CLPTM1L: variants seen among roughly 807,000 people sequenced by gnomAD.
CLPTM1L encodes the protein CLPTM1 like.
In CLPTM1L, 38 loss-of-function variants were observed where a neutral mutation model predicts 70.9. That is an observed-to-expected ratio of 0.54 (90% CI 0.41 to 0.70). The LOEUF is 0.70. Among genes scored for constraint, CLPTM1L ranks in the 30% least tolerant of loss-of-function variants. The probability of loss-of-function intolerance (pLI) is 0.00; values close to 1 mark genes in which losing one functional copy is unlikely to be tolerated. For synonymous variants in CLPTM1L, 339 were observed against 299.9 expected, an observed-to-expected ratio of 1.13 and a Z score of -1.35; for missense variants, 652 against 705.9, an observed-to-expected ratio of 0.92 and a Z score of 0.87.
rs1045979594 is a variant in CLPTM1L, at chr5:1,332,000, G to A, written c.892-117C>T. 2.8e-5 allele frequency: 23 copies of A among 812,804 alleles called. No individual in the cohort carries two copies. In the Admixed American group the frequency reaches 4.5e-4, roughly 16 times the overall value. The allele number at this position is 812,804 out of a possible 1,614,324, so 50.3% of individuals were successfully genotyped here. A position where few individuals can be genotyped will look rare whatever the true frequency, so the allele number is the denominator to read the frequency against. ...CTGCAGGTGTACTCAGCCTCAGGAT[G>A]CATCAGGATAAGTGTCTACACTCGG... On this transcript the variant is annotated intron_variant, in intron 7 of 16. Transcript: ENST00000320895.
chr5:1,324,693 G>C, intron 11 of CLPTM1L, 70 bp downstream of exon 11: 2 of 1,405,770 alleles, frequency 1.4e-6, no homozygotes, highest in South Asian at 1.2e-5. Context: ...AGCAATGACA[G>C]TAAAAGACCC....
chr5:1,342,520 G>A lies in CLPTM1L; in HGVS notation c.264-660C>T, dbSNP rs1165560638. On this transcript the variant is annotated intron_variant, in intron 2 of 16. Coordinates refer to ENST00000320895, the MANE Select transcript of CLPTM1L (RefSeq NM_030782.5). The surrounding 1 kb of genome is among the most constrained non-coding windows in gnomAD (Gnocchi z 4.3). ...CTTCACCCGCACACCAGGGCCCGAC[G>A]TCCATACTACAGCCCCATGGAAAAA... 1.3e-5 allele frequency among the ~76,000 whole-genome samples: 2 copies of A among 152,284 alleles called. No individual in the cohort carries two copies. Among genetic ancestry groups the A allele is most frequent in the East Asian group, 3.9e-4 (2 of 5,188 alleles).
intron 2 of CLPTM1L, among the ~76,000 whole-genome samples, chr5:1,344,109 T>C (rs1754121081): frequency 6.6e-6 from 1 of 152,170 alleles, no homozygotes; most frequent in African/African-American, 2.4e-5. Flanking sequence ...GTCCAGGACA[T>C]CCCACTGCCA....
chr5:1,333,079 T>A (rs1753230045), intron 7 of CLPTM1L, among the ~76,000 whole-genome samples: 1 of 104,990 alleles, frequency 9.5e-6, no homozygotes, highest in Non-Finnish European at 1.9e-5. Flanking sequence ...GGGACTACTG[T>A]ATACACACCG....
chr5:1,329,690 CTGGTGGACAGGGCCTCAGGACTCTCTGCT>C (rs1561238893), intron 9 of CLPTM1L, among the ~76,000 whole-genome samples: 473 of 66,730 alleles, frequency 7.1e-3, no homozygotes, highest in South Asian at 0.022. Flanking sequence ...GACTCTCTGC[CTGGTGGACAGGGCCTCAGGACTCTCTGCT>C]TGGTGGACAG....
chr5:1,343,386 T>C (rs1480572634), intron 2 of CLPTM1L, among the ~76,000 whole-genome samples: 1 of 152,168 alleles, frequency 6.6e-6, no homozygotes, highest in Non-Finnish European at 1.5e-5. Context: ...TTAAGAGTGC[T>C]CATTCTCCCC....
chr5:1,324,590 C>A (rs910527959), intron 11 of CLPTM1L, among the ~76,000 whole-genome samples, 173 bp downstream of exon 11: 5 of 152,244 alleles, frequency 3.3e-5, no homozygotes, highest in African/African-American at 7.2e-5. Context: ...GAGCCCCCGC[C>A]CTTCCCAGTA....
At chr5:1,333,636 T>C (rs796966447) in intron 7 of CLPTM1L, among the ~76,000 whole-genome samples, 16 of 59,116 alleles carry the variant, frequency 2.7e-4, no homozygotes, top group South Asian at 5.0e-4. Flanking sequence ...CAGATGAGGA[T>C]AAGGGGGACT....
At chr5:1,325,688 A>G (rs465498) in intron 10 of CLPTM1L, 63 bp downstream of exon 10, 596,311 of 1,420,984 alleles carry the variant, frequency 0.42, 130,989 homozygotes, top group African/African-American at 0.58. Flanking sequence ...TACTCTTTGC[A>G]CAGGGGGCAA....
At chr5:1,319,752 G>A (rs1399169274) in intron 16 of CLPTM1L, among the ~76,000 whole-genome samples, 1 of 152,212 alleles carries the variant, frequency 6.6e-6, no homozygotes, top group Non-Finnish European at 1.5e-5. Flanking sequence ...CCAGAGAAAG[G>A]ACACAGCCAG....
In CLPTM1L at chr5:1,341,653, AC is replaced by A; in HGVS notation, c.453+17del. On this transcript the variant is annotated intron_variant, in intron 3 of 16. Coordinates refer to ENST00000320895, the MANE Select transcript of CLPTM1L (RefSeq NM_030782.5). ...GGAGAGGCACAGCCTGTTATCAGTA[AC>A]CCATGAAGACCCTCACCTGTGTATC... is the stretch of plus-strand genomic sequence containing the variant. The A allele has an allele frequency of 1.3e-6, 2 of 1,581,376 alleles. No individual in the cohort carries two copies. The highest frequency in any genetic ancestry group is 1.7e-6 in the Non-Finnish European group (2 of 1,157,016).
rs1235512675 is a variant in CLPTM1L, at chr5:1,331,702, T to C, written c.976+97A>G. On this transcript the variant is annotated intron_variant, in intron 8 of 16. Coordinates refer to ENST00000320895, the MANE Select transcript of CLPTM1L (RefSeq NM_030782.5). The stretch of plus-strand genomic sequence containing the variant: ...AGCCAAGCACACACCCGGGGCTGTG[T>C]CTGCAGCCAGCAGTGAGGCAGGCAG... The C allele has an allele frequency of 2.9e-6, 3 of 1,039,498 alleles. No individual in the cohort carries two copies. In the African/African-American group the frequency reaches 4.7e-5, roughly 16 times the overall value. 64.4% of individuals were successfully genotyped at this position (1,039,498 alleles called of 1,614,324 possible).
At position 1,334,369 on chromosome 5, in the gene CLPTM1L, CT is replaced by C; in HGVS notation, c.810del (p.Asp271MetfsTer5). Reference protein sequence around the residue: ...YSLQQFGFSEKDADEVKGIFV... With the variant: ...YSLQQFGFSEXDADEVKGIFV... ...AAAATTCCTTTCACCTCATCAGCAT[CT>C]TTCTCTGAAAACCCTGTCAAGGAAA... On this transcript the variant is annotated frameshift_variant, in exon 7 of 17. Coordinates refer to ENST00000320895, the MANE Select transcript of CLPTM1L (RefSeq NM_030782.5). LOFTEE classifies it high-confidence loss of function. 1 of 1,602,752 alleles carries C rather than the reference CT, an allele frequency of 6.2e-7. No homozygotes were observed. Among genetic ancestry groups the C allele is most frequent in the South Asian group, 1.1e-5 (1 of 90,146 alleles).
chr5:1,330,261 G>T lies in CLPTM1L; in HGVS notation c.1080+19C>A. On this transcript the variant is annotated intron_variant, in intron 9 of 16. Transcript: ENST00000320895. The stretch of plus-strand genomic sequence containing the variant: ...GGCACATGGACCTCAGACAGTTCAG[G>T]TCACTGCCCGGAACTCACCTCAATG... The T allele has an allele frequency of 1.9e-6, 3 of 1,607,252 alleles. No homozygotes were observed. Among genetic ancestry groups the T allele is most frequent in the South Asian group, 1.1e-5 (1 of 90,948 alleles).
intron 9 of CLPTM1L, among the ~76,000 whole-genome samples, chr5:1,328,947 CCAGCTCCTCCTCTACAGACACATTTCATA>C (rs1311311786): frequency 4.0e-5 from 6 of 151,796 alleles, no homozygotes; most frequent in Middle Eastern, 3.2e-3. Context: ...GACATTCCAT[CCAGCTCCTCCTCTACAGACACATTTCATA>C]CAGCTCCTCC....
intron 5 of CLPTM1L, among the ~76,000 whole-genome samples, chr5:1,336,055 C>T (rs1330185432): frequency 6.6e-6 from 1 of 152,382 alleles, no homozygotes; most frequent in Non-Finnish European, 1.5e-5. Context: ...ATCAGAGCCA[C>T]AACCAGCAGG....
At position 1,344,706 on chromosome 5, in the gene CLPTM1L, A is replaced by G; in HGVS notation, c.136T>C (p.Tyr46His). The change falls in exon 1 of 17, where the codon TAC (tyrosine) becomes CAC (histidine). Residue 46 changes from tyrosine (Y) to histidine (H), a missense_variant. Physicochemically the swap from Tyr to His is moderately conservative, Grantham distance 83. Coordinates refer to ENST00000320895, the MANE Select transcript of CLPTM1L (RefSeq NM_030782.5). ...TGCAGCTTGGGCCGCCGCGCCAGGT[A>G]GGGCTGGATGCAGTTGGCGTCGCCG... ...CSGDANCIQP[Y>H]LARRPKLQLS... 1 of 1,580,754 alleles carries G rather than the reference A, an allele frequency of 6.3e-7. No homozygotes were observed. Among genetic ancestry groups the G allele is most frequent in the East Asian group, 2.4e-5 (1 of 42,236 alleles).
intron 9 of CLPTM1L, among the ~76,000 whole-genome samples, chr5:1,327,529 T>G (rs1249246655): frequency 6.7e-6 from 1 of 148,278 alleles, no homozygotes; most frequent in South Asian, 2.1e-4. Context: ...TCCATCCAGC[T>G]CCTCCTCTAC....
At chr5:1,329,293 C>T (rs902860898) in intron 9 of CLPTM1L, among the ~76,000 whole-genome samples, 3 of 152,260 alleles carry the variant, frequency 2.0e-5, no homozygotes, top group Admixed American at 6.5e-5. Context: ...CCTACCTGGC[C>T]GCTGTGCTCA....
Sources: gnomAD v4.1 joint callset for allele counts (sites outside exome capture counted in the v4.1 genomes callset) on GRCh38, gnomAD v4.1.1 for gene constraint, Gnocchi (gnomAD v3.1) non-coding constraint, MANE v1.5 for transcripts, NCBI Gene and HGNC (gene_info 2026-07-23, HGNC 2026-07-21) for gene names.